The following XYLT1 variants were observed in gnomAD, a reference collection of about 807,000 sequenced individuals.
XYLT1 encodes beta-D-xylosyltransferase 1.
A neutral mutation model predicts 91.3 loss-of-function variants in XYLT1; 36 were observed. That is an observed-to-expected ratio of 0.39 (90% CI 0.30 to 0.52). The LOEUF (loss-of-function observed/expected upper bound fraction) is 0.52. Ranked by LOEUF, XYLT1 falls within the 20% of genes least tolerant of loss-of-function variation. XYLT1 has a pLI of 0.68. For synonymous variants in XYLT1, 588 were observed against 532.0 expected (o/e 1.11, Z -1.45); for missense variants, 1,242 against 1,284.5 (o/e 0.97, Z 0.51).
chr16:17,123,629 GA>G (rs2030150986), intron 10 of XYLT1, among the ~76,000 whole-genome samples: 1 of 152,166 alleles, frequency 6.6e-6, no homozygotes, highest in South Asian at 2.1e-4. Flanking sequence ...ATGTGCTGAT[GA>G]ACAGCATGTA....
At chr16:17,154,265 G>A (rs990161499) in intron 6 of XYLT1, among the ~76,000 whole-genome samples, 2 of 152,158 alleles carry the variant, frequency 1.3e-5, no homozygotes, top group Admixed American at 6.5e-5. Context: ...CTGGCATTTC[G>A]ACCCAGGTGG....
chr16:17,170,048 G>A (rs2031788589), intron 5 of XYLT1, among the ~76,000 whole-genome samples: 1 of 152,194 alleles, frequency 6.6e-6, no homozygotes, highest in Admixed American at 6.5e-5. Context: ...CAGGCTCACT[G>A]AGCCTTGGTT....
At chr16:17,123,727 A>G (rs1181810764) in intron 10 of XYLT1, among the ~76,000 whole-genome samples, 1 of 151,998 alleles carries the variant, frequency 6.6e-6, no homozygotes, top group African/African-American at 2.4e-5. Context: ...TTGTTTCTTT[A>G]TTGACTTTCT....
At chr16:17,379,509 G>A (rs1018991278) in intron 1 of XYLT1, among the ~76,000 whole-genome samples, 1 of 151,998 alleles carries the variant, frequency 6.6e-6, no homozygotes, top group African/African-American at 2.4e-5. Context: ...CGGAGGATGC[G>A]GGAGAGAAAT....
chr16:17,446,777 G>A (rs1280220847), intron 1 of XYLT1, among the ~76,000 whole-genome samples: 5 of 152,164 alleles, frequency 3.3e-5, no homozygotes, highest in African/African-American at 4.8e-5. Flanking sequence ...CACTCAGCCT[G>A]GAGACTCAAC....
intron 3 of XYLT1, among the ~76,000 whole-genome samples, chr16:17,248,368 A>G (rs2033477182): frequency 6.6e-6 from 1 of 152,234 alleles, no homozygotes; most frequent in Admixed American, 6.5e-5. Context: ...AGAACAGACT[A>G]ATACAGGGGG....
intron 1 of XYLT1, among the ~76,000 whole-genome samples, chr16:17,453,715 T>C (rs560923913): frequency 2.6e-5 from 4 of 152,332 alleles, no homozygotes; most frequent in African/African-American, 9.6e-5. Flanking sequence ...CACAGGGCTA[T>C]ATTCATCTGC....
At chr16:17,142,976 A>G (rs1243288419) in intron 6 of XYLT1, among the ~76,000 whole-genome samples, 1 of 152,154 alleles carries the variant, frequency 6.6e-6, no homozygotes, top group Admixed American at 6.5e-5. Context: ...AATTTTTCCC[A>G]TGAACCCTAG....
At chr16:17,389,501 T>C (rs2035788888) in intron 1 of XYLT1, among the ~76,000 whole-genome samples, 2 of 152,226 alleles carry the variant, frequency 1.3e-5, no homozygotes, top group African/African-American at 4.8e-5. Context: ...ACAGACATTC[T>C]GGAGGTGTCT....
intron 6 of XYLT1, among the ~76,000 whole-genome samples, chr16:17,142,013 C>T (rs2030992740): frequency 6.6e-6 from 1 of 152,192 alleles, no homozygotes; most frequent in Admixed American, 6.5e-5. Flanking sequence ...CTGTGACCCT[C>T]CTGCCTCCAG....
chr16:17,417,962 A>G (rs906925250), intron 1 of XYLT1, among the ~76,000 whole-genome samples: 1 of 152,154 alleles, frequency 6.6e-6, no homozygotes, highest in Non-Finnish European at 1.5e-5. Context: ...GCTCCCCCCA[A>G]CAACCCTCAC....
chr16:17,141,909 ATTT>A (rs1400845128), intron 6 of XYLT1, among the ~76,000 whole-genome samples: 2 of 152,120 alleles, frequency 1.3e-5, no homozygotes, highest in Non-Finnish European at 2.9e-5. Context: ...CATTTTTAAA[ATTT>A]TTATTTTTTG....
chr16:17,258,403 A>C (rs1364915283), intron 3 of XYLT1, among the ~76,000 whole-genome samples: 1 of 151,776 alleles, frequency 6.6e-6, no homozygotes, highest in Non-Finnish European at 1.5e-5. Flanking sequence ...AGAAAAGGAA[A>C]GGGAGAAACA....
rs1189573614 is a variant in XYLT1, at chr16:17,106,016, C to A, written c.*2679G>T. 1.3e-5 allele frequency: 2 copies of A among 152,008 alleles called. No homozygotes were observed. The highest frequency in any genetic ancestry group is 4.8e-5 in the African/African-American group (2 of 41,350). 9.4% of individuals were successfully genotyped at this position (152,008 alleles called of 1,614,324 possible). On this transcript the variant is annotated 3_prime_UTR_variant, in exon 12 of 12. Transcript: ENST00000261381. ...TAACATCAGAGAAGGGAGAGGAATA[C>A]CCTGTGTGACTTCTCAGCTCCCCGA...
At chr16:17,362,345 G>A (rs2035396082) in intron 1 of XYLT1, among the ~76,000 whole-genome samples, 1 of 152,054 alleles carries the variant, frequency 6.6e-6, no homozygotes, top group Non-Finnish European at 1.5e-5. Context: ...CTTTGCCACA[G>A]CAAGGAACCA....
At position 17,102,286 on chromosome 16, in the gene XYLT1, GC is replaced by G; in HGVS notation, c.*6408del. On this transcript the variant is annotated 3_prime_UTR_variant, in exon 12 of 12. Transcript: ENST00000261381. ...AGAGAATATGAGATTGTGTAAAGAT[GC>G]ACAATGTTGCTGAAAAGAAGCCACA... 6.5e-6 allele frequency: 1 copy of G among 152,728 alleles called. No homozygotes were observed. Among genetic ancestry groups the G allele is most frequent in the Middle Eastern group, 3.4e-3 (1 of 294 alleles). The allele number at this position is 152,728 out of a possible 1,614,324, so 9.5% of individuals were successfully genotyped here. A position where few individuals can be genotyped will look rare whatever the true frequency, so the allele number is the denominator to read the frequency against.
At chr16:17,179,850 T>C (rs116196302) in intron 5 of XYLT1, among the ~76,000 whole-genome samples, 239 of 152,372 alleles carry the variant, frequency 1.6e-3, no homozygotes, top group African/African-American at 5.6e-3. Context: ...TGTGTTAATA[T>C]AGATAAACAT....
intron 5 of XYLT1, among the ~76,000 whole-genome samples, chr16:17,187,566 CAAAAAAA>C (rs57130941): frequency 3.5e-5 from 2 of 57,238 alleles, no homozygotes; most frequent in East Asian, 5.7e-4. Flanking sequence ...AACGCTGTCT[CAAAAAAA>C]AAAAAAAAAA....
chr16:17,211,467 G>A (rs1282868585), intron 3 of XYLT1, among the ~76,000 whole-genome samples: 4 of 152,146 alleles, frequency 2.6e-5, no homozygotes, highest in Non-Finnish European at 2.9e-5. Flanking sequence ...GAAGTCTGTG[G>A]AGAAACACTG....
Sources: allele counts gnomAD v4.1 joint callset (sites outside exome capture counted in the v4.1 genomes callset), GRCh38; gene constraint gnomAD v4.1.1; transcripts MANE v1.5; gene names NCBI Gene and HGNC (gene_info 2026-07-23, HGNC 2026-07-21).